ME3: variants seen among roughly 807,000 people sequenced by gnomAD.
ME3 encodes the protein NADP-dependent malic enzyme, mitochondrial.
A neutral mutation model predicts 68.9 loss-of-function variants in ME3; 48 were observed. The observed-to-expected ratio is 0.70, with a 90% confidence interval of 0.55 to 0.89. ME3 has a LOEUF of 0.89. Ranked by LOEUF, ME3 falls within the 40% of genes least tolerant of loss-of-function variation. The probability of loss-of-function intolerance (pLI) is 0.00; values close to 1 mark genes in which losing one functional copy is unlikely to be tolerated. For synonymous variants in ME3, 320 were observed against 318.8 expected, an observed-to-expected ratio of 1.00 and a Z score of -0.04; for missense variants, 675 against 797.4, an observed-to-expected ratio of 0.85 and a Z score of 1.85.
At chr11:86,609,808 G>T (rs995108968) in intron 2 of ME3, among the ~76,000 whole-genome samples, 17 of 152,310 alleles carry the variant, frequency 1.1e-4, no homozygotes, top group African/African-American at 4.1e-4. Flanking sequence ...TTACTGATGT[G>T]ATGGAATGCT....
intron 2 of ME3, among the ~76,000 whole-genome samples, chr11:86,623,204 T>C (rs1466960572): frequency 2.0e-5 from 3 of 152,136 alleles, no homozygotes; most frequent in African/African-American, 7.2e-5. Context: ...CTCACCCAAA[T>C]AGAACAAAAA....
chr11:86,670,847 TCA>T (rs905755976), intron 2 of ME3, among the ~76,000 whole-genome samples: 2 of 152,200 alleles, frequency 1.3e-5, no homozygotes, highest in African/African-American at 4.8e-5. Context: ...CATTTTATTG[TCA>T]CAATAACCAA....
At chr11:86,502,100 C>G (rs1373807035) in intron 5 of ME3, among the ~76,000 whole-genome samples, 1 of 152,252 alleles carries the variant, frequency 6.6e-6, no homozygotes, top group Non-Finnish European at 1.5e-5. Context: ...TTTCCATGCT[C>G]CATCCAAACT....
intron 2 of ME3, among the ~76,000 whole-genome samples, chr11:86,642,679 G>C (rs1051057530): frequency 1.3e-5 from 2 of 152,144 alleles, no homozygotes; most frequent in Non-Finnish European, 2.9e-5. Flanking sequence ...ACTCCAGCCT[G>C]GGTGACAGAG....
chr11:86,590,424 G>A (rs1958990803), intron 2 of ME3, among the ~76,000 whole-genome samples: 1 of 152,230 alleles, frequency 6.6e-6, no homozygotes, highest in Non-Finnish European at 1.5e-5. Context: ...TGCAGAGAAA[G>A]GAGAGAATAG....
chr11:86,567,540 A>G (rs1326166815), intron 2 of ME3, among the ~76,000 whole-genome samples: 2 of 152,206 alleles, frequency 1.3e-5, no homozygotes, highest in African/African-American at 4.8e-5. Context: ...CAGGTATCTA[A>G]TTATGACATC....
intron 2 of ME3, among the ~76,000 whole-genome samples, chr11:86,638,928 C>G (rs1372380096): frequency 6.6e-6 from 1 of 152,178 alleles, no homozygotes; most frequent in Admixed American, 6.5e-5. Flanking sequence ...ACTTCCAAAC[C>G]TGTCTGGAAA....
At chr11:86,656,541 T>G (rs1945886945) in intron 2 of ME3, among the ~76,000 whole-genome samples, 2 of 138,400 alleles carry the variant, frequency 1.4e-5, no homozygotes, top group African/African-American at 5.5e-5. Flanking sequence ...AGGTGGGAAC[T>G]GAACAATGAG....
intron 2 of ME3, among the ~76,000 whole-genome samples, chr11:86,668,743 C>T (rs1401262357): frequency 6.6e-6 from 1 of 152,208 alleles, no homozygotes; most frequent in Non-Finnish European, 1.5e-5. Context: ...CTCCTGACCA[C>T]CCTCTGTCAT....
At chr11:86,661,922 A>T (rs554988681) in intron 2 of ME3, among the ~76,000 whole-genome samples, 1 of 152,292 alleles carries the variant, frequency 6.6e-6, no homozygotes, top group African/African-American at 2.4e-5. Context: ...ACTAAACAGG[A>T]ACTCAGAAAA....
intron 2 of ME3, among the ~76,000 whole-genome samples, chr11:86,588,379 A>G (rs926582679): frequency 2.0e-5 from 3 of 152,230 alleles, no homozygotes; most frequent in Admixed American, 2.0e-4. Context: ...CACATTAATT[A>G]CTTAACTAAT....
the ME3 span, chr11:86,435,410 A>G: frequency 5.3e-5 from 8 of 152,228 alleles, no homozygotes; most frequent in African/African-American, 1.9e-4. Flanking sequence ...AATTCCAGAG[A>G]GGGAGGAGTC....
chr11:86,513,858 C>CTAT (rs1443916325), intron 4 of ME3, among the ~76,000 whole-genome samples: 9 of 152,106 alleles, frequency 5.9e-5, no homozygotes, highest in African/African-American at 2.2e-4. Flanking sequence ...CAGATTTAGC[C>CTAT]TATTTTCACT....
At chr11:86,599,303 G>C (rs957724833) in intron 2 of ME3, among the ~76,000 whole-genome samples, 18 of 152,192 alleles carry the variant, frequency 1.2e-4, no homozygotes, top group African/African-American at 4.1e-4. Flanking sequence ...ACGTGAAGAA[G>C]GCAGAAGCCT....
rs573481275 is a variant in ME3, at chr11:86,468,754, A to G, written c.810-3554T>C. Among the ~76,000 whole-genome samples the G allele has an allele frequency of 4.6e-5, 7 of 152,326 alleles. No homozygotes were observed. In the East Asian group the frequency reaches 5.8e-4, roughly 13 times the overall value. On this transcript the variant is annotated intron_variant, in intron 7 of 14. Coordinates refer to ENST00000543262, the Ensembl canonical transcript of ME3. The stretch of plus-strand genomic sequence containing the variant: ...ACACTAATTTAAATGTTAATTATCA[A>G]TTGCCTTACATATTCATTAAAATGC...
chr11:86,460,586 A>C (rs1006657064), intron 8 of ME3, among the ~76,000 whole-genome samples: 2 of 152,152 alleles, frequency 1.3e-5, no homozygotes, highest in Non-Finnish European at 2.9e-5. Flanking sequence ...AGCCCCCTCC[A>C]TGTGTGGTTC....
chr11:86,600,924 A>G (rs1423205081), intron 2 of ME3, among the ~76,000 whole-genome samples: 4 of 150,864 alleles, frequency 2.7e-5, no homozygotes, highest in African/African-American at 2.4e-5. Context: ...GACACAACAT[A>G]CCAGAATCTC....
At chr11:86,524,076 A>G (rs1226405510) in intron 4 of ME3, among the ~76,000 whole-genome samples, 1 of 152,214 alleles carries the variant, frequency 6.6e-6, no homozygotes, top group Non-Finnish European at 1.5e-5. Context: ...CTGAAAAGTC[A>G]CACTTAACAC....
intron 4 of ME3, among the ~76,000 whole-genome samples, chr11:86,514,894 G>A (rs1953785781): frequency 6.6e-6 from 1 of 152,172 alleles, no homozygotes; most frequent in South Asian, 2.1e-4. Flanking sequence ...CAGATCGCCT[G>A]GGCTCAGATG....
Sources: allele counts gnomAD v4.1 joint callset (sites outside exome capture counted in the v4.1 genomes callset), GRCh38; gene constraint gnomAD v4.1.1; transcripts MANE v1.5; gene names NCBI Gene and HGNC (gene_info 2026-07-23, HGNC 2026-07-21).